Variants in PPP2R2C observed in about 807,000 individuals in gnomAD.
PPP2R2C encodes protein phosphatase 2, regulatory subunit B, gamma.
A neutral mutation model predicts 45.3 loss-of-function variants in PPP2R2C; 10 were observed. The observed-to-expected ratio is 0.22, with a 90% CI of 0.14 to 0.37. The LOEUF (loss-of-function observed/expected upper bound fraction) is 0.37, where lower values mean the gene tolerates loss of function less well. PPP2R2C is among the 10% of genes least tolerant of loss of function. The pLI, the probability that PPP2R2C is intolerant of heterozygous loss-of-function variation, is 1.00. For missense variants in PPP2R2C, 308 were observed against 619.7 expected (o/e 0.50, Z 5.34); for synonymous variants, 257 against 245.4 (o/e 1.05, Z -0.44).
chr4:6,355,684 G>A (rs1310503824), intron 5 of PPP2R2C, among the ~76,000 whole-genome samples: 2 of 152,006 alleles, frequency 1.3e-5, no homozygotes, highest in African/African-American at 4.8e-5. Flanking sequence ...TTGCTGCTGC[G>A]GTACAAACGC....
intron 1 of PPP2R2C, among the ~76,000 whole-genome samples, chr4:6,433,155 A>C (rs1474537313): frequency 6.6e-6 from 1 of 152,012 alleles, no homozygotes; most frequent in Non-Finnish European, 1.5e-5. Flanking sequence ...GGGGAGTCAA[A>C]AGTTGTATGT....
rs1560592859 is a variant in PPP2R2C, at chr4:6,510,986, A to AAC, written c.49+24284_49+24285insGT. Among the ~76,000 whole-genome samples the AAC allele has an allele frequency of 9.5e-5, 8 of 83,962 alleles. 1 individual carries two copies. Among genetic ancestry groups the AAC allele is most frequent in the East Asian group, 8.9e-4 (3 of 3,358 alleles). 55.1% of individuals were successfully genotyped at this position (83,962 alleles called of 152,430 possible). A position where few individuals can be genotyped will look rare whatever the true frequency, so the allele number is the denominator to read the frequency against. ...AGTGAGACTCCGTCTCAAACAAAAA[A>AAC]AAACAAACAAACAAAAAAAAAAACA... On this transcript the variant is annotated intron_variant, in intron 2 of 9. Coordinates refer to the PPP2R2C transcript ENST00000506140.
chr4:6,349,250 G>A (rs1712306618), intron 5 of PPP2R2C: 8 of 985,410 alleles, frequency 8.1e-6, no homozygotes, highest in Non-Finnish European at 8.4e-6. Context: ...GACTCTTCAG[G>A]TGCATGTGAG....
At position 6,479,992 on chromosome 4, in the gene PPP2R2C, C is replaced by A. The variant is rs144387863; in HGVS notation, c.49+55279G>T. Reference sequence around the variant, plus strand: ...ACTGAAGTAGCTGGGACTACACACACAAGCCAAAGTGCCCAGCTTTGCTTC... The same window carrying A: ...ACTGAAGTAGCTGGGACTACACACAAAAGCCAAAGTGCCCAGCTTTGCTTC... On this transcript the variant is annotated intron_variant, in intron 2 of 9. Coordinates refer to the PPP2R2C transcript ENST00000506140. Among the ~76,000 whole-genome samples the A allele has an allele frequency of 9.7e-4, 147 of 152,186 alleles. 1 individual carries two copies. The East Asian group carries it at 0.026, about 27-fold the overall frequency.
At chr4:6,497,989 G>C (rs1036713862) in intron 2 of PPP2R2C, among the ~76,000 whole-genome samples, 1 of 152,244 alleles carries the variant, frequency 6.6e-6, no homozygotes, top group Non-Finnish European at 1.5e-5. Context: ...AGGACTTACA[G>C]CATCCATACG....
rs80173572 is a variant in PPP2R2C at position 6,408,401 on chromosome 4, T to C, written c.71-27307A>G. Among the ~76,000 whole-genome samples the C allele has an allele frequency of 9.0e-3, 1,364 of 152,218 alleles. 23 individuals are homozygous for C. Among genetic ancestry groups the C allele is most frequent in the African/African-American group, 0.031 (1,281 of 41,502 alleles). ...ACATCCCCATGCTGCCCTCCACTGA[T>C]TGGATCAAGAGGTAGCCACACCCTC... On this transcript the variant is annotated intron_variant, in intron 1 of 8. Transcript: ENST00000382599.
At chr4:6,562,634 G>A (rs1009933390) in intron 1 of PPP2R2C, among the ~76,000 whole-genome samples, 4 of 152,106 alleles carry the variant, frequency 2.6e-5, no homozygotes, top group African/African-American at 4.8e-5. Context: ...AGATTCCTGG[G>A]CCCTCACCAG....
At chr4:6,425,948 C>T (rs1719274064) in intron 1 of PPP2R2C, among the ~76,000 whole-genome samples, 2 of 152,012 alleles carry the variant, frequency 1.3e-5, no homozygotes, top group Admixed American at 6.6e-5. Context: ...GGGAGAGGCA[C>T]TCTATGGCTC....
intron 2 of PPP2R2C, among the ~76,000 whole-genome samples, chr4:6,512,578 ATGGTGG>A (rs1723688209): frequency 2.2e-5 from 1 of 44,602 alleles, no homozygotes; most frequent in African/African-American, 7.3e-5. Context: ...GGTGATGGTG[ATGGTGG>A]TGATGGTGAT....
At chr4:6,474,849 C>A (rs1577210728), upstream of PPP2R2C, among the ~76,000 whole-genome samples, 2 of 151,858 alleles carry the variant, frequency 1.3e-5, no homozygotes, top group Admixed American at 1.3e-4. Context: ...TGCCCACCCC[C>A]CACCTCCACT....
chr4:6,499,377 C>G (rs1722974258), intron 2 of PPP2R2C, among the ~76,000 whole-genome samples: 1 of 152,208 alleles, frequency 6.6e-6, no homozygotes, highest in Non-Finnish European at 1.5e-5. Flanking sequence ...CCCCATCCTT[C>G]TCTCCCTTCG....
intron 2 of PPP2R2C, among the ~76,000 whole-genome samples, chr4:6,519,651 GGCACTTAA>G (rs1412929673): frequency 1.3e-5 from 2 of 152,184 alleles, no homozygotes; most frequent in African/African-American, 2.4e-5. Flanking sequence ...TTCACAAACA[GGCACTTAA>G]TGATATTCAT....
At chr4:6,412,032 T>C (rs1718233208) in intron 1 of PPP2R2C, among the ~76,000 whole-genome samples, 1 of 152,164 alleles carries the variant, frequency 6.6e-6, no homozygotes, top group Admixed American at 6.5e-5. Flanking sequence ...CATGAGCTCC[T>C]CAGAGCTAGT....
At chr4:6,441,604 C>T (rs536122726) in intron 1 of PPP2R2C, among the ~76,000 whole-genome samples, 179 of 152,350 alleles carry the variant, frequency 1.2e-3, no homozygotes, top group African/African-American at 4.1e-3. Flanking sequence ...CTGCTCTGTA[C>T]GTGTCACCTG....
At chr4:6,451,430 G>A (rs778976632) in intron 1 of PPP2R2C, among the ~76,000 whole-genome samples, 5 of 152,094 alleles carry the variant, frequency 3.3e-5, no homozygotes, top group African/African-American at 1.2e-4. Context: ...AAATTCCATC[G>A]AAAACATATT....
At chr4:6,439,341 G>A (rs1720036280) in intron 1 of PPP2R2C, among the ~76,000 whole-genome samples, 1 of 152,232 alleles carries the variant, frequency 6.6e-6, no homozygotes, top group African/African-American at 2.4e-5. Context: ...TTTGTGACGT[G>A]CACTGATTTA....
intron 1 of PPP2R2C, chr4:6,381,503 C>T (rs1395007066): frequency 1.4e-6 from 2 of 1,379,652 alleles, no homozygotes; most frequent in East Asian, 5.8e-5. Context: ...GTCAGGGAAG[C>T]CCTTCCCAAT....
At chr4:6,511,571 TGATGGC>T (rs1723502500) in intron 2 of PPP2R2C, among the ~76,000 whole-genome samples, 16 of 39,876 alleles carry the variant, frequency 4.0e-4, no homozygotes, top group African/African-American at 1.2e-3. Flanking sequence ...GTGGTGGTGG[TGATGGC>T]GGTGGTGGTG....
intron 1 of PPP2R2C, among the ~76,000 whole-genome samples, chr4:6,454,088 G>A (rs377597162): frequency 3.9e-5 from 6 of 152,302 alleles, no homozygotes; most frequent in South Asian, 4.1e-4. Flanking sequence ...AGAGGGACCC[G>A]TTCTTCCTGT....
Sources: gnomAD v4.1 joint callset for allele counts (sites outside exome capture counted in the v4.1 genomes callset) on GRCh38, gnomAD v4.1.1 for gene constraint, MANE v1.5 for transcripts, NCBI Gene and HGNC (gene_info 2026-07-23, HGNC 2026-07-21) for gene names.